The following PEAK1 variants were observed in gnomAD, a reference collection of about 807,000 sequenced individuals.
The protein encoded by PEAK1 is pseudopodium enriched atypical kinase 1.
In PEAK1, 54 loss-of-function variants were observed where a neutral mutation model predicts 124.7. That is an observed-to-expected ratio of 0.43 (90% confidence interval 0.35 to 0.54). The LOEUF (loss-of-function observed/expected upper bound fraction) is 0.54. PEAK1 is among the 20% of genes least tolerant of loss of function. The pLI, the probability that PEAK1 is intolerant of heterozygous loss-of-function variation, is 0.01. For synonymous variants in PEAK1, 719 were observed against 760.0 expected, an observed-to-expected ratio of 0.95 and a Z score of 0.89; for missense variants, 2,046 against 2,134.5, an observed-to-expected ratio of 0.96 and a Z score of 0.82.
At chr15:77,202,134 T>G (rs915270981) in intron 6 of PEAK1, among the ~76,000 whole-genome samples, 5 of 152,150 alleles carry the variant, frequency 3.3e-5, no homozygotes, top group Admixed American at 3.3e-4. Flanking sequence ...TTGGATGCAG[T>G]TTCACATTTA....
In PEAK1 at chr15:77,349,242, T is replaced by C. The variant is rs750938309; in HGVS notation, c.-603+15921A>G. On this transcript the variant is annotated intron_variant, in intron 2 of 9. Transcript: ENST00000682557. Reference sequence around the variant, plus strand: ...TTTTAGTAGAGACGGGGTTTCACCATGTTACCCAGGATGGTCTCGATCTTC... The same window carrying C: ...TTTTAGTAGAGACGGGGTTTCACCACGTTACCCAGGATGGTCTCGATCTTC... 4 of 483,792 alleles carry C rather than the reference T, an allele frequency of 8.3e-6. No homozygotes were observed. The Admixed American group carries it at 2.6e-4, about 31-fold the overall frequency. The allele number at this position is 483,792 out of a possible 1,614,324, so 30.0% of individuals were successfully genotyped here.
intron 2 of PEAK1, chr15:77,352,698 T>C: frequency 1.0e-6 from 1 of 954,066 alleles, no homozygotes; most frequent in Non-Finnish European, 1.2e-6. Flanking sequence ...TTTTTAAAAA[T>C]TTAATGTTTC....
chr15:77,120,542 T>A (rs902387669), intron 9 of PEAK1, among the ~76,000 whole-genome samples: 1 of 152,198 alleles, frequency 6.6e-6, no homozygotes, highest in Non-Finnish European at 1.5e-5. Flanking sequence ...TCTCATTGAC[T>A]TTTCTTCTAA....
intron 6 of PEAK1, among the ~76,000 whole-genome samples, chr15:77,183,961 G>A (rs1467211614): frequency 6.6e-6 from 1 of 151,916 alleles, no homozygotes; most frequent in Non-Finnish European, 1.5e-5. Flanking sequence ...TGGAGTAGCT[G>A]GGACTATGGG....
rs572836442 is a variant in PEAK1 at position 77,251,794 on chromosome 15, C to T, written c.-115+573G>A. ...AACACCCAGAAGTTACCGCCTCTTT[C>T]CATGGTAATGACTCAGTGATTACTA... On this transcript the variant is annotated intron_variant, in intron 6 of 9. Coordinates refer to ENST00000682557, the MANE Select transcript of PEAK1 (RefSeq NM_001385026.1). Among the ~76,000 whole-genome samples, 53 of 152,258 alleles carry T rather than the reference C, an allele frequency of 3.5e-4. 2 individuals carry two copies. In the South Asian group the frequency reaches 0.011, roughly 31 times the overall value.
intron 2 of PEAK1, chr15:77,336,622 T>C (rs2066216721): frequency 1.2e-6 from 1 of 838,388 alleles, no homozygotes; most frequent in Non-Finnish European, 1.4e-6. Context: ...CAATACCTGG[T>C]GAACTTAATA....
chr15:77,222,504 T>C (rs923621657), intron 6 of PEAK1, among the ~76,000 whole-genome samples: 19 of 152,076 alleles, frequency 1.2e-4, no homozygotes, highest in South Asian at 6.2e-4. Flanking sequence ...TTTGATTTTA[T>C]AGACTAAGGA....
intron 1 of PEAK1, among the ~76,000 whole-genome samples, chr15:77,369,012 T>C (rs1364543705): frequency 6.6e-6 from 1 of 152,180 alleles, no homozygotes; most frequent in African/African-American, 2.4e-5. Context: ...AGTTTGACAT[T>C]TGCACTTACA....
intron 5 of PEAK1, among the ~76,000 whole-genome samples, chr15:77,273,815 A>T (rs1597050193): frequency 6.6e-6 from 1 of 152,216 alleles, no homozygotes; most frequent in East Asian, 1.9e-4. Flanking sequence ...GAGCCCACGT[A>T]GCCAAAGCAA....
At chr15:77,362,152 T>A (rs556125742) in intron 2 of PEAK1, among the ~76,000 whole-genome samples, 1 of 152,208 alleles carries the variant, frequency 6.6e-6, no homozygotes, top group South Asian at 2.1e-4. Flanking sequence ...TTCAAATAGC[T>A]AGGAAGAAAA....
At chr15:77,404,484 T>C (rs2071638235) in intron 1 of PEAK1, 2 of 456,426 alleles carry the variant, frequency 4.4e-6, no homozygotes, top group Admixed American at 6.4e-5. Context: ...TGATGGCATG[T>C]TGCAATATAC....
intron 2 of PEAK1, chr15:77,347,727 CT>C: frequency 1.0e-6 from 1 of 973,668 alleles, no homozygotes; most frequent in South Asian, 4.8e-5. Flanking sequence ...GTTTAAAACT[CT>C]TCCTAGGTTA....
At chr15:77,300,299 G>C (rs185865845) in intron 2 of PEAK1, among the ~76,000 whole-genome samples, 1 of 152,214 alleles carries the variant, frequency 6.6e-6, no homozygotes, top group Non-Finnish European at 1.5e-5. Flanking sequence ...GAACAGCAAG[G>C]TTGACTACAG....
intron 1 of PEAK1, among the ~76,000 whole-genome samples, chr15:77,393,747 A>T (rs1239279135): frequency 1.3e-5 from 2 of 152,158 alleles, no homozygotes; most frequent in Non-Finnish European, 2.9e-5. Flanking sequence ...AGAAAAGGAG[A>T]GGGAAGAGTA....
In PEAK1 at chr15:77,332,302, T is replaced by G. The variant is rs890533940; in HGVS notation, c.-603+32861A>C. 4 of 985,020 alleles carry G rather than the reference T, an allele frequency of 4.1e-6. No individual in the cohort carries two copies. The East Asian group carries it at 3.4e-4, about 84-fold the overall frequency. 61.0% of individuals were successfully genotyped at this position (985,020 alleles called of 1,614,324 possible). A position where few individuals can be genotyped will look rare whatever the true frequency, so the allele number is the denominator to read the frequency against. On this transcript the variant is annotated intron_variant, in intron 2 of 9. Transcript: ENST00000682557. ...ACCTGGTCACCATATATTTTTTGTT[T>G]GTTGAAAAATTTTTTGGCCGGGTGC...
chr15:77,101,928 T>C (rs1462248738), exon 7 of PEAK1: 2 of 152,092 alleles, frequency 1.3e-5, no homozygotes, highest in Non-Finnish European at 2.9e-5. Flanking sequence ...GCATGGAGTA[T>C]AAGCTTTAAA....
intron 6 of PEAK1, among the ~76,000 whole-genome samples, chr15:77,213,674 G>A (rs1265904279): frequency 6.6e-6 from 1 of 152,112 alleles, no homozygotes; most frequent in Non-Finnish European, 1.5e-5. Flanking sequence ...GGGTGACAGA[G>A]TGAGACTCTG....
chr15:77,368,969 T>C (rs1567316340), intron 1 of PEAK1, among the ~76,000 whole-genome samples: 2 of 152,220 alleles, frequency 1.3e-5, no homozygotes, highest in African/African-American at 4.8e-5. Context: ...ATCACTATGT[T>C]TAATTATAAC....
intron 5 of PEAK1, among the ~76,000 whole-genome samples, chr15:77,256,571 G>C (rs2061147435): frequency 6.6e-6 from 1 of 151,564 alleles, no homozygotes; most frequent in Admixed American, 6.6e-5. Context: ...GGTAAAAATA[G>C]TTTTTACATT....
Sources: gnomAD v4.1 joint callset for allele counts (sites outside exome capture counted in the v4.1 genomes callset) on GRCh38, gnomAD v4.1.1 for gene constraint, MANE v1.5 for transcripts, NCBI Gene and HGNC (gene_info 2026-07-23, HGNC 2026-07-21) for gene names.